The following MFSD11 variants were observed in gnomAD, a reference collection of about 807,000 sequenced individuals.
The protein encoded by MFSD11 is UNC93-like protein MFSD11.
Under a neutral mutation model 53.5 loss-of-function variants are expected in MFSD11, and 36 were observed. That is an observed-to-expected ratio of 0.67 (90% CI 0.52 to 0.89). The LOEUF (loss-of-function observed/expected upper bound fraction) is 0.89, where lower values mean the gene tolerates loss of function less well. Among genes scored for constraint, MFSD11 ranks in the 40% least tolerant of loss-of-function variants. The pLI is 0.00. For missense variants in MFSD11, 530 were observed against 543.9 expected (o/e 0.97, Z 0.25); for synonymous variants, 186 against 184.9 (o/e 1.01, Z -0.05).
chr17:76,742,018 G>A lies in MFSD11; in HGVS notation c.310G>A (p.Ala104Thr). 3.1e-6 allele frequency: 5 copies of A among 1,614,100 alleles called. No individual in the cohort carries two copies. Among genetic ancestry groups the A allele is most frequent in the Admixed American group, 1.7e-5 (1 of 60,014 alleles). Residue 104 changes from alanine to threonine, a missense_variant, in exon 4 of 13, where the codon GCC becomes ACC. Transcript: ENST00000685175. Reference sequence around the variant, plus strand: ...GCCTTTCCCGTGGTCCTTCTACACAGCCTCTGTTTTCATTGGAATTGCTGC... The same window carrying A: ...GCCTTTCCCGTGGTCCTTCTACACAACCTCTGTTTTCATTGGAATTGCTGC... Reference protein sequence around the residue: ...IQPFPWSFYTASVFIGIAAAV... With the variant: ...IQPFPWSFYTTSVFIGIAAAV...
chr17:76,742,206 A>G lies in MFSD11; in HGVS notation c.370A>G (p.Thr124Ala), dbSNP rs1568044564. 1.2e-6 allele frequency: 2 copies of G among 1,614,228 alleles called. No homozygotes were observed. Among genetic ancestry groups the G allele is most frequent in the Admixed American group, 1.7e-5 (1 of 60,026 alleles). ...VLWTAQGNCL[T>A]INSDEHSIGR... ...TTGGACAGCACAAGGAAACTGCCTG[A>G]CAATCAATTCGGATGAGCACAGCAT... The change falls in exon 5 of 13, where the codon ACA becomes GCA. Residue 124 changes from threonine to alanine, a missense_variant. Transcript: ENST00000685175.
the MFSD11 span, among the ~76,000 whole-genome samples, chr17:76,793,456 G>T: frequency 1.3e-5 from 2 of 151,464 alleles, no homozygotes; most frequent in Non-Finnish European, 2.9e-5. Flanking sequence ...TATCTGTCTT[G>T]TTCCCTGAAC....
At chr17:76,799,862 A>T in the MFSD11 span, among the ~76,000 whole-genome samples, 6 of 151,628 alleles carry the variant, frequency 4.0e-5, 1 homozygote, top group East Asian at 1.2e-3. Flanking sequence ...GCATCATCTC[A>T]TACCCCCTTT....
In MFSD11 at chr17:76,776,436, G is replaced by T; in HGVS notation, c.1080G>T (p.Leu360=). 6.2e-7 allele frequency: 1 copy of T among 1,613,978 alleles called. No homozygotes were observed. Among genetic ancestry groups the T allele is most frequent in the East Asian group, 2.2e-5 (1 of 44,878 alleles). The change falls in exon 12 of 13, where the codon CTG becomes CTT. Residue 360 remains leucine, a synonymous_variant. Coordinates refer to ENST00000685175, the MANE Select transcript of MFSD11 (RefSeq NM_001242532.5). The surrounding 1 kb of genome is among the most constrained non-coding windows in gnomAD (Gnocchi z 4.2). The part of the protein sequence containing the change: ...SKEVAILCSF[L]LGLGDSCFNT... ...AAGTTGCCATTCTCTGCAGTTTTCT[G>T]TTGGGCCTTGGAGACAGCTGCTTTA...
chr17:76,794,965 A>G, the MFSD11 span, among the ~76,000 whole-genome samples: 1 of 151,492 alleles, frequency 6.6e-6, no homozygotes, highest in Non-Finnish European at 1.5e-5. Flanking sequence ...AAGTGATGGG[A>G]TTACAGGCAT....
rs2081806135 is a variant in MFSD11, at chr17:76,776,049, G to A, written c.1050-357G>A. Among the ~76,000 whole-genome samples the A allele has an allele frequency of 6.6e-6, 1 of 152,110 alleles. No homozygotes were observed. The highest frequency in any genetic ancestry group is 2.1e-4 in the South Asian group (1 of 4,826). On this transcript the variant is annotated intron_variant, in intron 11 of 12. Coordinates refer to ENST00000685175, the MANE Select transcript of MFSD11 (RefSeq NM_001242532.5). This position sits in a 1 kb window ranked among gnomAD's most constrained non-coding sequence, Gnocchi z 4.2. ...CTAGAATGCAAGTGGCGTGATCTCC[G>A]CTCACTGCAACCTCCACCTCCGGGG...
intron 7 of MFSD11, among the ~76,000 whole-genome samples, chr17:76,750,500 G>A (rs1348085204): frequency 6.6e-6 from 1 of 151,398 alleles, no homozygotes; most frequent in Non-Finnish European, 1.5e-5. Context: ...TGGGACTACA[G>A]GCTCCTGCCA....
intron 7 of MFSD11, among the ~76,000 whole-genome samples, chr17:76,751,244 G>A (rs549248394): frequency 3.8e-3 from 582 of 151,858 alleles, no homozygotes; most frequent in Non-Finnish European, 6.6e-3. Flanking sequence ...AAAAAAATTA[G>A]CCAGGCGTAG....
intron 12 of MFSD11, among the ~76,000 whole-genome samples, chr17:76,777,189 A>G (rs2081920671): frequency 6.8e-6 from 1 of 146,914 alleles, no homozygotes; most frequent in African/African-American, 2.5e-5. Context: ...AATGGTGTGA[A>G]CCCGGGAGGC....
At chr17:76,784,606 A>G (rs566530220), downstream of MFSD11, among the ~76,000 whole-genome samples, 72 of 151,816 alleles carry the variant, frequency 4.7e-4, no homozygotes, top group South Asian at 5.4e-3. Flanking sequence ...AAAGACAGTT[A>G]TCCTCAGGCC....
Position 76,755,797 on chromosome 17 carries a change from TATATATATATATATA to T in MFSD11, c.682+1711_682+1725del, listed in dbSNP as rs1568076026. Reference sequence around the variant, plus strand: ...GTGTGTGTGTGTGTGTATACATATATATATATATATATATATTTTTTTTTTTTTTTTTTTTTTTTT... The same window carrying T: ...GTGTGTGTGTGTGTGTATACATATATTTTTTTTTTTTTTTTTTTTTTTTTT... On this transcript the variant is annotated intron_variant, in intron 8 of 12. Coordinates refer to ENST00000685175, the MANE Select transcript of MFSD11 (RefSeq NM_001242532.5). 1.9e-3 allele frequency among the ~76,000 whole-genome samples: 45 copies of T among 23,656 alleles called. 1 individual carries two copies. Among genetic ancestry groups the T allele is most frequent in the Non-Finnish European group, 4.0e-3 (39 of 9,826 alleles). The allele number at this position is 23,656 out of a possible 152,430, so 15.5% of individuals were successfully genotyped here.
At chr17:76,762,026 A>G (rs570773229) in intron 8 of MFSD11, among the ~76,000 whole-genome samples, 1 of 152,188 alleles carries the variant, frequency 6.6e-6, no homozygotes, top group Non-Finnish European at 1.5e-5. Context: ...TCGTGTAACC[A>G]TCACTTTACT....
At chr17:76,785,959 A>G (rs1032111248), downstream of MFSD11, among the ~76,000 whole-genome samples, 5 of 150,758 alleles carry the variant, frequency 3.3e-5, no homozygotes, top group Non-Finnish European at 7.4e-5. Context: ...GGCACCTGTA[A>G]TCCTACTTGG....
the MFSD11 span, among the ~76,000 whole-genome samples, chr17:76,796,331 T>G: frequency 3.3e-5 from 5 of 152,164 alleles, no homozygotes; most frequent in Admixed American, 2.6e-4. Flanking sequence ...ACACCTCATC[T>G]TGCATTGCTT....
At chr17:76,770,926 T>C (rs554025170) in intron 10 of MFSD11, among the ~76,000 whole-genome samples, 28 of 152,336 alleles carry the variant, frequency 1.8e-4, no homozygotes, top group Admixed American at 1.6e-3. Flanking sequence ...GATTAAATCA[T>C]TGGCCACATG....
At chr17:76,777,525 G>T (rs1388369642) in intron 12 of MFSD11, among the ~76,000 whole-genome samples, 1 of 152,122 alleles carries the variant, frequency 6.6e-6, no homozygotes, top group Non-Finnish European at 1.5e-5. Context: ...ATGAGCCACC[G>T]CCCCGGCTAT....
the MFSD11 span, among the ~76,000 whole-genome samples, chr17:76,788,491 A>C: frequency 6.7e-6 from 1 of 148,438 alleles, no homozygotes; most frequent in Non-Finnish European, 1.5e-5. Flanking sequence ...TCAACCTCCC[A>C]AGTAGCTGGG....
At chr17:76,739,889 G>A (rs764769197) in intron 2 of MFSD11, among the ~76,000 whole-genome samples, 1 of 152,134 alleles carries the variant, frequency 6.6e-6, no homozygotes, top group Non-Finnish European at 1.5e-5. Flanking sequence ...AAATGCGGCC[G>A]GGTGCGGGGG....
the MFSD11 span, among the ~76,000 whole-genome samples, chr17:76,798,815 G>A: frequency 1.3e-5 from 2 of 151,824 alleles, no homozygotes; most frequent in Admixed American, 1.3e-4. Flanking sequence ...ATCACCTGAG[G>A]TCAGGAGTTC....
Sources: gnomAD v4.1 joint callset for allele counts (sites outside exome capture counted in the v4.1 genomes callset) on GRCh38, gnomAD v4.1.1 for gene constraint, Gnocchi (gnomAD v3.1) non-coding constraint, MANE v1.5 for transcripts, NCBI Gene and HGNC (gene_info 2026-07-23, HGNC 2026-07-21) for gene names.